Variants in CACNA2D4 observed in about 807,000 individuals in gnomAD.
CACNA2D4 encodes calcium voltage-gated channel auxiliary subunit alpha2delta 4.
CACNA2D4 carries 157 observed loss-of-function variants against 163.8 expected under a neutral mutation model. The observed-to-expected ratio is 0.96, with a 90% CI of 0.84 to 1.09. The LOEUF (loss-of-function observed/expected upper bound fraction) is 1.09. Ranked by LOEUF, CACNA2D4 falls within the 50% of genes least tolerant of loss-of-function variation. The pLI is 0.00. For synonymous variants in CACNA2D4, 598 were observed against 586.9 expected, an observed-to-expected ratio of 1.02 and a Z score of -0.27; for missense variants, 1,410 against 1,479.9, an observed-to-expected ratio of 0.95 and a Z score of 0.78.
chr12:1,826,903 T>A (rs1188729858), intron 26 of CACNA2D4, among the ~76,000 whole-genome samples: 1 of 152,214 alleles, frequency 6.6e-6, no homozygotes, highest in East Asian at 1.9e-4. Flanking sequence ...TCTCGGCAGC[T>A]CCATCCACCT....
intron 8 of CACNA2D4, 85 bp downstream of exon 8, chr12:1,886,138 G>C (rs926706752): frequency 6.5e-7 from 1 of 1,545,428 alleles, no homozygotes; most frequent in African/African-American, 1.4e-5. Context: ...GTCACCGGGT[G>C]GTCAGGGGTT....
chr12:1,813,696 G>A (rs1565679810), intron 26 of CACNA2D4, among the ~76,000 whole-genome samples: 1 of 152,144 alleles, frequency 6.6e-6, no homozygotes, highest in Non-Finnish European at 1.5e-5. Flanking sequence ...CGGCTGGCTG[G>A]CCTTCTTGAA....
At chr12:1,840,668 C>A in intron 26 of CACNA2D4, 71 bp downstream of exon 26, 1 of 1,320,242 alleles carries the variant, frequency 7.6e-7, no homozygotes, top group Non-Finnish European at 1.1e-6. Flanking sequence ...GGGCCTTCTG[C>A]TGTGATCTAT....
At chr12:1,879,701 G>A in intron 14 of CACNA2D4, 103 bp downstream of exon 14, 1 of 917,214 alleles carries the variant, frequency 1.1e-6, no homozygotes, top group Admixed American at 2.0e-5. Flanking sequence ...CCCTCCCAAG[G>A]TGGCTCAGAG....
At chr12:1,796,104 C>T (rs1239509396) in intron 35 of CACNA2D4, among the ~76,000 whole-genome samples, 1 of 152,248 alleles carries the variant, frequency 6.6e-6, no homozygotes, top group East Asian at 1.9e-4. Flanking sequence ...CCGTCCGGAG[C>T]AAATGGGCGG....
At chr12:1,839,906 G>A (rs575534088) in intron 26 of CACNA2D4, among the ~76,000 whole-genome samples, 7 of 152,336 alleles carry the variant, frequency 4.6e-5, no homozygotes, top group African/African-American at 9.6e-5. Context: ...TCCGATCCCC[G>A]CTAGTTGGGT....
chr12:1,850,831 G>A (rs1316495843), intron 23 of CACNA2D4, among the ~76,000 whole-genome samples: 4 of 151,394 alleles, frequency 2.6e-5, no homozygotes, highest in South Asian at 2.1e-4. Flanking sequence ...GGAGAATGGC[G>A]AGCTTGTGCC....
chr12:1,877,182 G>C (rs1865901198), intron 16 of CACNA2D4, among the ~76,000 whole-genome samples: 1 of 152,314 alleles, frequency 6.6e-6, no homozygotes, highest in South Asian at 2.1e-4. Flanking sequence ...CGTGAGGTCA[G>C]GCACGAGGAG....
At chr12:1,813,669 A>G (rs1374157591) in intron 26 of CACNA2D4, among the ~76,000 whole-genome samples, 3 of 152,184 alleles carry the variant, frequency 2.0e-5, no homozygotes, top group Non-Finnish European at 2.9e-5. Flanking sequence ...TCTCATGGCA[A>G]TCCTGGGGTG....
chr12:1,866,201 A>G (rs115799492), intron 18 of CACNA2D4, among the ~76,000 whole-genome samples: 4,348 of 152,232 alleles, frequency 0.029, 200 homozygotes, highest in African/African-American at 0.099. Flanking sequence ...AATTTTGTCA[A>G]ATGCTCTTTT....
At chr12:1,914,991 AAC>A (rs1369565606) in intron 1 of CACNA2D4, 56 bp from the exon 2 acceptor site, 15 of 1,279,696 alleles carry the variant, frequency 1.2e-5, no homozygotes, top group African/African-American at 5.8e-5. Flanking sequence ...CAAATACAGA[AAC>A]ACACGCGTAG....
intron 29 of CACNA2D4, among the ~76,000 whole-genome samples, chr12:1,804,687 C>T (rs533280751): frequency 2.0e-5 from 3 of 152,350 alleles, no homozygotes; most frequent in Non-Finnish European, 4.4e-5. Flanking sequence ...GGAATGTGAG[C>T]AGAGCCGCTG....
At chr12:1,824,353 G>A (rs907782454) in intron 26 of CACNA2D4, among the ~76,000 whole-genome samples, 6 of 152,162 alleles carry the variant, frequency 3.9e-5, no homozygotes, top group South Asian at 2.1e-4. Flanking sequence ...GACCAATGCC[G>A]CTGGTCCATG....
At chr12:1,812,891 A>G (rs775130221) in intron 26 of CACNA2D4, among the ~76,000 whole-genome samples, 4 of 152,108 alleles carry the variant, frequency 2.6e-5, no homozygotes, top group Non-Finnish European at 4.4e-5. Context: ...CTTAACCATT[A>G]CGCTGTGTCC....
Position 1,799,707 on chromosome 12 carries a change from A to G in CACNA2D4, c.2975-12T>C. 6.4e-7 allele frequency: 1 copy of G among 1,569,764 alleles called. No homozygotes were observed. The highest frequency in any genetic ancestry group is 8.6e-7 in the Non-Finnish European group (1 of 1,157,736). On this transcript the variant is annotated splice_polypyrimidine_tract_variant and intron_variant, in intron 33 of 37. Transcript: ENST00000382722. The surrounding 1 kb of genome is among the most constrained non-coding windows in gnomAD (Gnocchi z 4.7). ...GAAGACACTTTTGGCTGGCCGGAAC[A>G]TAAGCCCAGCACAGGGTGGACACGG...
At position 1,917,453 on chromosome 12, in the gene CACNA2D4, T is replaced by G. The variant is rs537420081; in HGVS notation, c.227+794A>C. 2.0e-5 allele frequency among the ~76,000 whole-genome samples: 3 copies of G among 152,316 alleles called. No individual in the cohort carries two copies. The highest frequency in any genetic ancestry group is 7.2e-5 in the African/African-American group (3 of 41,574). On this transcript the variant is annotated intron_variant, in intron 1 of 37. Coordinates refer to ENST00000382722, the MANE Select transcript of CACNA2D4 (RefSeq NM_172364.5). The surrounding 1 kb of genome is among the most constrained non-coding windows in gnomAD (Gnocchi z 4.3). ...GGTGGCTCTGTTGGTGGCCTGGCTATGGTGCTGGGCTCAAGCGGCTGGAGT... is the reference window on the plus strand; with the variant it reads ...GGTGGCTCTGTTGGTGGCCTGGCTAGGGTGCTGGGCTCAAGCGGCTGGAGT...
chr12:1,832,704 C>A (rs1361864499), intron 26 of CACNA2D4, among the ~76,000 whole-genome samples: 1 of 152,128 alleles, frequency 6.6e-6, no homozygotes, highest in Admixed American at 6.5e-5. Context: ...TTTTCATGAG[C>A]GGGGAAATAA....
intron 24 of CACNA2D4, among the ~76,000 whole-genome samples, chr12:1,846,126 C>T (rs918305480): frequency 1.1e-4 from 16 of 152,094 alleles, no homozygotes; most frequent in African/African-American, 3.9e-4. Context: ...CCACAGGGCC[C>T]CAGCAGCACC....
chr12:1,848,165 C>T (rs1184447551), intron 23 of CACNA2D4, among the ~76,000 whole-genome samples: 14 of 152,236 alleles, frequency 9.2e-5, no homozygotes. Flanking sequence ...ATTTTCATCA[C>T]CCCGGAAAGA....
Sources: allele counts gnomAD v4.1 joint callset (sites outside exome capture counted in the v4.1 genomes callset), GRCh38; gene constraint gnomAD v4.1.1; non-coding constraint Gnocchi (gnomAD v3.1); transcripts MANE v1.5; gene names NCBI Gene and HGNC (gene_info 2026-07-23, HGNC 2026-07-21).